SLC24A2: variants seen among roughly 807,000 people sequenced by gnomAD.
The protein encoded by SLC24A2 is solute carrier family 24 member 2, also known as sodium/potassium/calcium exchanger 2.
In SLC24A2, 36 loss-of-function variants were observed where a neutral mutation model predicts 62.0. That is an observed-to-expected ratio of 0.58 (90% CI 0.44 to 0.77). SLC24A2 has a LOEUF of 0.77. SLC24A2 is among the 30% of genes least tolerant of loss of function. SLC24A2 has a pLI of 0.00. For synonymous variants in SLC24A2, 358 were observed against 294.0 expected (o/e 1.22, Z -2.23); for missense variants, 846 against 817.9 (o/e 1.03, Z -0.42).
At chr9:19,724,848 C>T (rs1222509301) in intron 2 of SLC24A2, among the ~76,000 whole-genome samples, 1 of 152,138 alleles carries the variant, frequency 6.6e-6, no homozygotes, top group Non-Finnish European at 1.5e-5. Flanking sequence ...CAAACACAAA[C>T]ACCAGTTAGA....
At chr9:19,676,103 C>T (rs1819553050) in intron 2 of SLC24A2, among the ~76,000 whole-genome samples, 1 of 152,186 alleles carries the variant, frequency 6.6e-6, no homozygotes, top group Admixed American at 6.5e-5. Context: ...TTCTCAGCTC[C>T]AAGTAAGGTC....
At chr9:19,835,932 A>C in the SLC24A2 span, among the ~76,000 whole-genome samples, 1 of 152,172 alleles carries the variant, frequency 6.6e-6, no homozygotes, top group East Asian at 1.9e-4. Flanking sequence ...TCATTCAAAA[A>C]CACTCAACTA....
At chr9:19,570,062 C>T (rs1306474294) in intron 7 of SLC24A2, among the ~76,000 whole-genome samples, 1 of 152,214 alleles carries the variant, frequency 6.6e-6, no homozygotes, top group African/African-American at 2.4e-5. Flanking sequence ...GTTGTGTTTA[C>T]ATTCTCTGCT....
At chr9:19,520,859 C>G in intron 10 of SLC24A2, 35 bp downstream of exon 10, 3 of 1,605,896 alleles carry the variant, frequency 1.9e-6, no homozygotes, top group African/African-American at 1.3e-5. Flanking sequence ...ACTGGTGGAG[C>G]TGGTGCACAC....
intron 7 of SLC24A2, among the ~76,000 whole-genome samples, chr9:19,565,479 T>C (rs916013799): frequency 2.7e-4 from 41 of 151,012 alleles, no homozygotes; most frequent in African/African-American, 1.0e-3. Flanking sequence ...TACAAACAAA[T>C]GGAAGAACAT....
chr9:20,213,821 G>A, the SLC24A2 span, among the ~76,000 whole-genome samples: 4 of 152,292 alleles, frequency 2.6e-5, no homozygotes, highest in East Asian at 1.9e-4. Context: ...CCTACTATGT[G>A]TTCTGCTTTA....
Position 19,526,927 on chromosome 9 carries a change from G to A in SLC24A2, c.1569+1122C>T, listed in dbSNP as rs190054851. The stretch of plus-strand genomic sequence containing the variant: ...CAAAGAACTCTTTGCCTGGCTTATG[G>A]TCATACAGATTTTTTTTCTGTCCTC... On this transcript the variant is annotated intron_variant, in intron 9 of 10. Coordinates refer to ENST00000341998, the MANE Select transcript of SLC24A2 (RefSeq NM_020344.4). Among the ~76,000 whole-genome samples the A allele has an allele frequency of 3.9e-5, 6 of 152,134 alleles. No homozygotes were observed. In the East Asian group the frequency reaches 1.2e-3, roughly 29 times the overall value.
At chr9:19,910,907 C>A in the SLC24A2 span, among the ~76,000 whole-genome samples, 33 of 145,904 alleles carry the variant, frequency 2.3e-4, no homozygotes, top group Middle Eastern at 3.6e-3. Flanking sequence ...CTTTTCTTTT[C>A]TTTTATTTTT....
chr9:20,033,046 C>T, the SLC24A2 span, among the ~76,000 whole-genome samples: 4 of 152,160 alleles, frequency 2.6e-5, no homozygotes, highest in Non-Finnish European at 5.9e-5. Context: ...AGAGTTCATG[C>T]GTCCCCTGAA....
At chr9:20,192,389 A>T in the SLC24A2 span, among the ~76,000 whole-genome samples, 4 of 152,174 alleles carry the variant, frequency 2.6e-5, no homozygotes, top group East Asian at 7.7e-4. Context: ...ATATATATAT[A>T]TTTAAGAAAG....
chr9:19,861,760 C>T, the SLC24A2 span, among the ~76,000 whole-genome samples: 1 of 151,964 alleles, frequency 6.6e-6, no homozygotes, highest in Admixed American at 6.6e-5. Flanking sequence ...AGGAATCAAA[C>T]AGAAATTCTG....
At chr9:19,620,379 G>A (rs1331090554) in intron 3 of SLC24A2, among the ~76,000 whole-genome samples, 1 of 152,178 alleles carries the variant, frequency 6.6e-6, no homozygotes, top group Non-Finnish European at 1.5e-5. Context: ...TGGGACTACA[G>A]CTCTAATCCA....
chr9:19,569,301 G>A (rs1331681067), intron 7 of SLC24A2, among the ~76,000 whole-genome samples: 1 of 152,180 alleles, frequency 6.6e-6, no homozygotes, highest in Non-Finnish European at 1.5e-5. Flanking sequence ...ACCACAGTGT[G>A]CCAATCCTGG....
the SLC24A2 span, among the ~76,000 whole-genome samples, chr9:19,991,099 C>G: frequency 1.3e-5 from 2 of 151,594 alleles, no homozygotes; most frequent in Non-Finnish European, 2.9e-5. Context: ...GGAGTATTGA[C>G]TCACAGGATC....
At chr9:19,548,956 T>C (rs1043979406) in intron 8 of SLC24A2, among the ~76,000 whole-genome samples, 23 of 152,206 alleles carry the variant, frequency 1.5e-4, no homozygotes, top group African/African-American at 5.3e-4. Flanking sequence ...TGTGTGGTCC[T>C]ATACTAAGAA....
the SLC24A2 span, among the ~76,000 whole-genome samples, chr9:20,161,787 A>ACAC: frequency 3.1e-5 from 4 of 128,058 alleles, no homozygotes; most frequent in African/African-American, 1.3e-4. Flanking sequence ...CACACACACA[A>ACAC]ACATCATACC....
chr9:19,974,848 C>T, the SLC24A2 span, among the ~76,000 whole-genome samples: 1 of 152,156 alleles, frequency 6.6e-6, no homozygotes, highest in Non-Finnish European at 1.5e-5. Context: ...GCAAAATGGT[C>T]AGATATTATT....
chr9:19,642,957 G>C (rs1442655973), intron 2 of SLC24A2, among the ~76,000 whole-genome samples: 2 of 148,262 alleles, frequency 1.3e-5, no homozygotes, highest in Non-Finnish European at 3.0e-5. Flanking sequence ...TGGGATTACA[G>C]GCGTGAGCCA....
intron 2 of SLC24A2, among the ~76,000 whole-genome samples, chr9:19,706,761 T>C (rs1252456416): frequency 6.6e-6 from 1 of 152,122 alleles, no homozygotes; most frequent in Non-Finnish European, 1.5e-5. Context: ...AAGCAGTGTG[T>C]AGAGGGAAAT....
Sources: gnomAD v4.1 joint callset for allele counts (sites outside exome capture counted in the v4.1 genomes callset) on GRCh38, gnomAD v4.1.1 for gene constraint, MANE v1.5 for transcripts, NCBI Gene and HGNC (gene_info 2026-07-23, HGNC 2026-07-21) for gene names.